UNC13D: variants seen among roughly 807,000 people sequenced by gnomAD.
UNC13D encodes the protein protein unc-13 homolog D.
Under a neutral mutation model 151.7 loss-of-function variants are expected in UNC13D, and 115 were observed. The observed-to-expected ratio is 0.76, with a 90% CI of 0.65 to 0.88. UNC13D has a LOEUF of 0.88. Among genes scored for constraint, UNC13D ranks in the 40% least tolerant of loss-of-function variants. UNC13D has a pLI of 0.00. For synonymous variants in UNC13D, 588 were observed against 612.2 expected, an observed-to-expected ratio of 0.96 and a Z score of 0.58; for missense variants, 1,369 against 1,438.7, an observed-to-expected ratio of 0.95 and a Z score of 0.78.
In UNC13D at chr17:75,830,144, G is replaced by T; in HGVS notation, c.2838C>A (p.Ser946Arg). The change falls in exon 30 of 32, where the codon AGC becomes AGA. Residue 946 changes from serine to arginine, a missense_variant. Physicochemically the swap from Ser to Arg is moderately radical, Grantham distance 110. Transcript: ENST00000207549. ...SLLPLDSNGS[S>R]DPFVQLTLEP... ...CCAAGGTCAGCTGGACAAAGGGGTC[G>T]CTGGAGCCTGGTAAGTGGCCGGGGA... 1.3e-6 allele frequency: 2 copies of T among 1,589,662 alleles called. No individual in the cohort carries two copies. Among genetic ancestry groups the T allele is most frequent in the Non-Finnish European group, 8.6e-7 (1 of 1,168,576 alleles).
At chr17:75,834,837 CT>C (rs2064895935) in intron 21 of UNC13D, 82 bp downstream of exon 21, 2 of 1,612,112 alleles carry the variant, frequency 1.2e-6, no homozygotes, top group Non-Finnish European at 1.7e-6. Flanking sequence ...GGGAGGCTGC[CT>C]GGGTGAGAGC....
rs2064936581 is a variant in UNC13D at position 75,840,060 on chromosome 17, G to A, written c.909C>T (p.His303=). The A allele has an allele frequency of 1.2e-6, 2 of 1,613,516 alleles. No individual in the cohort carries two copies. The highest frequency in any genetic ancestry group is 2.7e-5 in the African/African-American group (2 of 74,940). Residue 303 remains histidine, a synonymous_variant, in exon 11 of 32, where the codon CAC becomes CAT. Coordinates refer to ENST00000207549, the MANE Select transcript of UNC13D (RefSeq NM_199242.3). The surrounding 1 kb of genome is among the most constrained non-coding windows in gnomAD (Gnocchi z 4.6). The part of the protein sequence containing the change: ...RSQPSYTVHL[H]LLQQLVSHEV... Reference sequence around the variant, plus strand: ...CGTGGGACACAAGCTGCTGCAGGAGGTGGAGGTGCACGGTGTAGCTCGGCT... The same window carrying A: ...CGTGGGACACAAGCTGCTGCAGGAGATGGAGGTGCACGGTGTAGCTCGGCT...
chr17:75,839,814 G>A (rs1214822697), intron 12 of UNC13D, 25 bp downstream of exon 12: 2 of 1,611,450 alleles, frequency 1.2e-6, no homozygotes, highest in Admixed American at 1.7e-5. Flanking sequence ...TGGCTCAGGG[G>A]TTCTGCCCAG....
chr17:75,828,646 C>G (rs954015648), intron 31 of UNC13D, 141 bp downstream of exon 31: 3 of 958,162 alleles, frequency 3.1e-6, no homozygotes, highest in Admixed American at 6.3e-5. Flanking sequence ...TTGATTAGAC[C>G]GAGAGATGGG....
intron 29 of UNC13D, 32 bp from the exon 30 acceptor site, chr17:75,830,183 G>A: frequency 1.3e-6 from 2 of 1,578,778 alleles, no homozygotes; most frequent in Non-Finnish European, 1.7e-6. Flanking sequence ...TGCGTCAGCT[G>A]AGGGTCTCCC....
At chr17:75,839,804 T>C (rs2064934417) in intron 12 of UNC13D, 35 bp downstream of exon 12, 26 of 1,608,620 alleles carry the variant, frequency 1.6e-5, no homozygotes, top group Non-Finnish European at 2.2e-5. Flanking sequence ...GGGGGGCTGG[T>C]GGCTCAGGGG....
At position 75,840,685 on chromosome 17, in the gene UNC13D, A is replaced by C. The variant is rs1275315818; in HGVS notation, c.683+77T>G. ...TGGACCCCAAAGGAGCCTGCACCCC[A>C]GCATCCAGTGTGCATGTTGGGGGAT... On this transcript the variant is annotated intron_variant, in intron 8 of 31. Transcript: ENST00000207549. The surrounding 1 kb of genome is among the most constrained non-coding windows in gnomAD (Gnocchi z 4.6). The C allele has an allele frequency of 9.9e-6, 16 of 1,608,490 alleles. 1 individual carries two copies. Among genetic ancestry groups the C allele is most frequent in the Middle Eastern group, 3.3e-4 (2 of 6,048 alleles).
In UNC13D at chr17:75,843,263, C is replaced by G; in HGVS notation, c.157G>C (p.Ala53Pro). The change falls in exon 3 of 32, where the codon GCC becomes CCC. Residue 53 changes from alanine to proline, a missense_variant. By Grantham distance (27) the Ala-to-Pro change is conservative. Coordinates refer to ENST00000207549, the MANE Select transcript of UNC13D (RefSeq NM_199242.3). ...TAGAGTGCGTCCTCGTAGAGCAGGG[C>G]CCGCTAAGACACACGGGGTCACCTT... Reference protein sequence around the residue: ...PSHHFSPEQRALLYEDALYTV... With the variant: ...PSHHFSPEQRPLLYEDALYTV... 1 of 1,606,506 alleles carries G rather than the reference C, an allele frequency of 6.2e-7. No homozygotes were observed. Among genetic ancestry groups the G allele is most frequent in the South Asian group, 1.1e-5 (1 of 91,062 alleles).
rs933548287 is a variant in UNC13D, at chr17:75,830,607, TC to T, written c.2679del (p.Lys894SerfsTer21). The T allele has an allele frequency of 1.3e-6, 2 of 1,559,332 alleles. No individual in the cohort carries two copies. The highest frequency in any genetic ancestry group is 2.7e-5 in the African/African-American group (2 of 73,376). ...TGCTGGATTCGGCTGCAGAAGTACT[TC>T]CGGATGAGTTCCCGGCTGGAGGCCG... Reference protein sequence around the residue: ...LQAASSRELIRKYFCSRIQQQ... With the variant: ...LQAASSRELIXKYFCSRIQQQ... On this transcript the variant is annotated frameshift_variant, in exon 28 of 32. Transcript: ENST00000207549. LOFTEE classifies it high-confidence loss of function.
In UNC13D at chr17:75,840,180, C is replaced by T. The variant is rs372204638; in HGVS notation, c.858+45G>A. 143 of 1,612,076 alleles carry T rather than the reference C, an allele frequency of 8.9e-5. No homozygotes were observed. Among genetic ancestry groups the T allele is most frequent in the Admixed American group, 1.7e-4 (10 of 59,936 alleles). ...CAGCCAGCCCCGCAACCCAGCAGAC[C>T]GCCGCAAGAGCTGGGCATGGCCACT... On this transcript the variant is annotated intron_variant, in intron 10 of 31. Coordinates refer to ENST00000207549, the MANE Select transcript of UNC13D (RefSeq NM_199242.3). This position sits in a 1 kb window ranked among gnomAD's most constrained non-coding sequence, Gnocchi z 4.6.
rs9902592 is a variant in UNC13D, at chr17:75,840,891, A to G, written c.615-61T>C. The G allele has an allele frequency of 0.018, 29,303 of 1,613,830 alleles. 510 individuals are homozygous for G. Among genetic ancestry groups the G allele is most frequent in the Middle Eastern group, 0.13 (801 of 6,058 alleles). ...AGTGCCTACGACCTCTTCCAGGAGG[A>G]GGTTCCGCCTCTCTCACCCCAGATC... On this transcript the variant is annotated intron_variant, in intron 7 of 31. Transcript: ENST00000207549. This position sits in a 1 kb window ranked among gnomAD's most constrained non-coding sequence, Gnocchi z 4.6.
Position 75,835,670 on chromosome 17 carries a change from C to T in UNC13D, c.1704G>A (p.Gln568=), listed in dbSNP as rs1420214624. The change falls in exon 19 of 32, where the codon CAG becomes CAA. Residue 568 remains glutamine (Q), a synonymous_variant. Transcript: ENST00000207549. The part of the protein sequence containing the change: ...QLYISLKELC[Q]LRMSSSERDG... Reference sequence around the variant, plus strand: ...ACCTCTCTGAGGAGCTCATGCGCAGCTGGCAGAGCTCCTTGAGGCTGATGT... The same window carrying T: ...ACCTCTCTGAGGAGCTCATGCGCAGTTGGCAGAGCTCCTTGAGGCTGATGT... The T allele has an allele frequency of 6.2e-7, 1 of 1,613,406 alleles. No homozygotes were observed. The highest frequency in any genetic ancestry group is 8.5e-7 in the Non-Finnish European group (1 of 1,180,036).
In UNC13D at chr17:75,828,905, G is replaced by T. The variant is rs144730861; in HGVS notation, c.3033C>A (p.Ala1011=). Residue 1011 remains alanine, a synonymous_variant, in exon 31 of 32, where the codon GCC becomes GCA. Coordinates refer to ENST00000207549, the MANE Select transcript of UNC13D (RefSeq NM_199242.3). ...LTVLDYDTLG[A]DDLEGEAFLP... Reference sequence around the variant, plus strand: ...GGAAGGCCTCGCCTTCCAGGTCGTCGGCCCCCAGCGTGTCGTAGTCCAGCA... The same window carrying T: ...GGAAGGCCTCGCCTTCCAGGTCGTCTGCCCCCAGCGTGTCGTAGTCCAGCA... 5.6e-6 allele frequency: 9 copies of T among 1,606,942 alleles called. No individual in the cohort carries two copies. The highest frequency in any genetic ancestry group is 6.8e-6 in the Non-Finnish European group (8 of 1,179,672).
At position 75,830,471 on chromosome 17, in the gene UNC13D, G is replaced by A. The variant is rs1230405599; in HGVS notation, c.2721C>T (p.Thr907=). The part of the protein sequence containing the change: ...CSRIQQQAET[T]SEELGAVTVK... ...CTGTCACAGCCCCCAGCTCCTCAGA[G>A]GTGGTTTCTGCCTGGGGTGGGGAGC... Residue 907 remains threonine, a synonymous_variant, in exon 29 of 32, where the codon ACC becomes ACT. Coordinates refer to ENST00000207549, the MANE Select transcript of UNC13D (RefSeq NM_199242.3). The A allele has an allele frequency of 1.3e-6, 2 of 1,591,246 alleles. No individual in the cohort carries two copies. Among genetic ancestry groups the A allele is most frequent in the African/African-American group, 2.7e-5 (2 of 74,634 alleles).
intron 20 of UNC13D, 41 bp downstream of exon 20, chr17:75,835,368 C>G (rs980794345): frequency 1.2e-5 from 19 of 1,603,434 alleles, no homozygotes; most frequent in Middle Eastern, 2.1e-4. Flanking sequence ...AGCCTCACCC[C>G]CAAACCGGGG....
intron 12 of UNC13D, 111 bp downstream of exon 12, chr17:75,839,728 G>A: frequency 1.7e-6 from 2 of 1,184,052 alleles, no homozygotes; most frequent in Non-Finnish European, 1.2e-6. Context: ...CACACATTTT[G>A]GGCCAAAGGG....
chr17:75,828,797 G>T lies in UNC13D; in HGVS notation c.3141C>A (p.Pro1047=), dbSNP rs866899109. 2.5e-5 allele frequency: 39 copies of T among 1,546,936 alleles called. No homozygotes were observed. In the Middle Eastern group the frequency reaches 1.6e-3, roughly 64 times the overall value. Residue 1047 remains proline (P), a synonymous_variant, in exon 31 of 32, where the codon CCC becomes CCA. Coordinates refer to ENST00000207549, the MANE Select transcript of UNC13D (RefSeq NM_199242.3). ...TGGGCTCAGGCCTACCGTTGGGTGC[G>T]GGGTACGTGAGGGGCAGGCGGGTCT... ...VPQTRLPLTY[P]APNGDPILQL...
At position 75,843,525 on chromosome 17, in the gene UNC13D, G is replaced by A. The variant is rs565587079; in HGVS notation, c.118-6C>T. 11 of 1,611,504 alleles carry A rather than the reference G, an allele frequency of 6.8e-6. No homozygotes were observed. In the East Asian group the frequency reaches 8.9e-5, roughly 13 times the overall value. ...TGGTGGGATGGAGGCTGGATCTGCA[G>A]AGCAAGGTGGAAAGGCAGTGTCCCG... On this transcript the variant is annotated splice_region_variant and splice_polypyrimidine_tract_variant and intron_variant, in intron 1 of 31. Transcript: ENST00000207549.
chr17:75,844,320 GGA>G lies in UNC13D; in HGVS notation c.16_17del (p.Ser6ProfsTer65), dbSNP rs1458020828. 1 of 1,611,534 alleles carries G rather than the reference GGA, an allele frequency of 6.2e-7. No individual in the cohort carries two copies. Among genetic ancestry groups the G allele is most frequent in the African/African-American group, 1.3e-5 (1 of 75,012 alleles). Reference sequence around the variant, plus strand: ...AGAAGGGAGGGCGCTGCTGCGGATGGGAGAGGAGTGTCGCCATGGTGGCCTTC... The same window carrying G: ...AGAAGGGAGGGCGCTGCTGCGGATGGGAGGAGTGTCGCCATGGTGGCCTTC... MATLL[S>X]HPQQRPPFLR... On this transcript the variant is annotated frameshift_variant, in exon 1 of 32. Coordinates refer to ENST00000207549, the MANE Select transcript of UNC13D (RefSeq NM_199242.3). LOFTEE classifies it high-confidence loss of function.
Sources: gnomAD v4.1 joint callset for allele counts on GRCh38, gnomAD v4.1.1 for gene constraint, Gnocchi (gnomAD v3.1) non-coding constraint, MANE v1.5 for transcripts, NCBI Gene and HGNC (gene_info 2026-07-23, HGNC 2026-07-21) for gene names.